The following MCFD2 variants were observed in gnomAD, a reference collection of about 807,000 sequenced individuals.
MCFD2 encodes the protein multiple coagulation factor deficiency protein 2.
A neutral mutation model predicts 12.8 loss-of-function variants in MCFD2; 11 were observed. The observed-to-expected ratio is 0.86, with a 90% CI of 0.54 to 1.42. The LOEUF is 1.42. Ranked by LOEUF, MCFD2 falls within the 40% of genes most tolerant of loss-of-function variation. The probability of loss-of-function intolerance (pLI) is 0.00; values close to 1 mark genes in which losing one functional copy is unlikely to be tolerated. For missense variants in MCFD2, 191 were observed against 178.6 expected (o/e 1.07, Z -0.40); for synonymous variants, 70 against 68.1 (o/e 1.03, Z -0.14).
intron 1 of MCFD2, among the ~76,000 whole-genome samples, chr2:46,927,649 C>T (rs766482349): frequency 6.6e-5 from 10 of 151,486 alleles, no homozygotes; most frequent in Middle Eastern, 3.4e-3. Flanking sequence ...CATGAGCTAC[C>T]GCGCCCGGCA....
chr2:46,929,624 G>A (rs890746651), intron 1 of MCFD2, among the ~76,000 whole-genome samples: 18 of 152,150 alleles, frequency 1.2e-4, no homozygotes, highest in Admixed American at 6.6e-4. Flanking sequence ...TAGCTAACAC[G>A]GGGGTACAGC....
Position 46,940,061 on chromosome 2 carries a change from A to G in MCFD2, c.-8+1511T>C, listed in dbSNP as rs1336082483. Among the ~76,000 whole-genome samples the G allele has an allele frequency of 1.3e-5, 2 of 152,130 alleles. No homozygotes were observed. The highest frequency in any genetic ancestry group is 2.4e-5 in the African/African-American group (1 of 41,418). Reference sequence around the variant, plus strand: ...GGCCTCCACATGGGAGTCGGGGGTCAGTGGGAACAGGAAGACTGTCTTCAA... The same window carrying G: ...GGCCTCCACATGGGAGTCGGGGGTCGGTGGGAACAGGAAGACTGTCTTCAA... On this transcript the variant is annotated intron_variant, in intron 1 of 2. Transcript: ENST00000409147. This position sits in a 1 kb window ranked among gnomAD's most constrained non-coding sequence, Gnocchi z 4.7.
At chr2:46,925,701 T>C (rs890753909) in intron 1 of MCFD2, among the ~76,000 whole-genome samples, 43 of 152,292 alleles carry the variant, frequency 2.8e-4, no homozygotes, top group Middle Eastern at 3.4e-3. Context: ...AAAAAACCCA[T>C]GTTTATTTTT....
Position 46,904,846 on chromosome 2 carries a change from G to C in MCFD2, c.*617C>G, listed in dbSNP as rs1033268088. 3.0e-5 allele frequency: 5 copies of C among 166,916 alleles called. No individual in the cohort carries two copies. The highest frequency in any genetic ancestry group is 1.1e-4 in the Admixed American group (2 of 17,836). The allele number at this position is 166,916 out of a possible 1,614,324, so 10.3% of individuals were successfully genotyped here. ...TTGGTTTTGAATAGTGAGGACATGA[G>C]ATTTGGAGGGGCCAGGGGTAGAATG... On this transcript the variant is annotated 3_prime_UTR_variant, in exon 4 of 4. Transcript: ENST00000319466.
At chr2:46,936,718 T>C (rs1669997080) in intron 1 of MCFD2, among the ~76,000 whole-genome samples, 1 of 152,304 alleles carries the variant, frequency 6.6e-6, no homozygotes, top group Admixed American at 6.5e-5. Flanking sequence ...TAATTTAGAA[T>C]TGCGGTAGCC....
In MCFD2 at chr2:46,941,746, G is replaced by A. The variant is rs1670408640; in HGVS notation, c.-182C>T. 2 of 1,547,706 alleles carry A rather than the reference G, an allele frequency of 1.3e-6. No individual in the cohort carries two copies. The highest frequency in any genetic ancestry group is 1.4e-5 in the African/African-American group (1 of 72,978). On this transcript the variant is annotated 5_prime_UTR_variant, in exon 1 of 3. Coordinates refer to the MCFD2 transcript ENST00000409147. The surrounding 1 kb of genome is among the most constrained non-coding windows in gnomAD (Gnocchi z 4.2). ...CACCGGTGAGTAAGGGAAGAGGCTG[G>A]CTCGCCGGCAGCGAGCGCGCGAAAC...
In MCFD2 at chr2:46,931,543, C is replaced by T. The variant is rs1473244626; in HGVS notation, c.-8+10029G>A. 2.6e-5 allele frequency among the ~76,000 whole-genome samples: 4 copies of T among 151,924 alleles called. No homozygotes were observed. The East Asian group carries it at 5.8e-4, about 22-fold the overall frequency. On this transcript the variant is annotated intron_variant, in intron 1 of 2. Coordinates refer to the MCFD2 transcript ENST00000409147. ...AGGGTCAGAGTCAGAGTAGAGGTGCCCATGGAAGCAAAGGTTGGAGTGATG... is the reference window on the plus strand; with the variant it reads ...AGGGTCAGAGTCAGAGTAGAGGTGCTCATGGAAGCAAAGGTTGGAGTGATG...
rs1161003607 is a variant in MCFD2 at position 46,934,787 on chromosome 2, C to CTTTTTTTTTTTTTTTTTT, written c.-8+6767_-8+6784dup. On this transcript the variant is annotated intron_variant, in intron 1 of 2. Coordinates refer to the MCFD2 transcript ENST00000409147. ...GGAATAAGGTATGAAGACTACTGCT[C>CTTTTTTTTTTTTTTTTTT]TTTTTTTTTTTTTTTTTTTTTTTTT... Among the ~76,000 whole-genome samples, 7 of 66,916 alleles carry CTTTTTTTTTTTTTTTTTT rather than the reference C, an allele frequency of 1.0e-4. 1 individual carries two copies. Among genetic ancestry groups the CTTTTTTTTTTTTTTTTTT allele is most frequent in the Non-Finnish European group, 1.6e-4 (6 of 37,308 alleles). 43.9% of individuals were successfully genotyped at this position (66,916 alleles called of 152,430 possible). A position where few individuals can be genotyped will look rare whatever the true frequency, so the allele number is the denominator to read the frequency against.
chr2:46,936,569 G>A (rs1013058922), intron 1 of MCFD2, among the ~76,000 whole-genome samples: 4 of 152,152 alleles, frequency 2.6e-5, no homozygotes, highest in African/African-American at 7.2e-5. Flanking sequence ...CTCACCATTC[G>A]CAGACTCTCA....
intron 1 of MCFD2, among the ~76,000 whole-genome samples, chr2:46,925,904 T>C (rs1558475956): frequency 6.6e-6 from 1 of 152,240 alleles, no homozygotes; most frequent in Non-Finnish European, 1.5e-5. Flanking sequence ...CCTTGAGTTC[T>C]TAGATACACT....
At chr2:46,913,394 G>C (rs1668564805) in intron 1 of MCFD2, among the ~76,000 whole-genome samples, 1 of 151,166 alleles carries the variant, frequency 6.6e-6, no homozygotes, top group Admixed American at 6.6e-5. Flanking sequence ...ATTAGAAAAA[G>C]AGAGAGAGAG....
intron 1 of MCFD2, among the ~76,000 whole-genome samples, chr2:46,935,309 G>A (rs762946270): frequency 6.6e-6 from 1 of 152,074 alleles, no homozygotes; most frequent in Admixed American, 6.5e-5. Context: ...AGGCTGCAGT[G>A]AACTATGATA....
intron 1 of MCFD2, among the ~76,000 whole-genome samples, chr2:46,926,894 A>G (rs1355022167): frequency 6.6e-6 from 1 of 152,240 alleles, no homozygotes; most frequent in Admixed American, 6.5e-5. Flanking sequence ...AAATTTTCAC[A>G]TGGGAGCTAA....
At chr2:46,922,152 A>G (rs1405173787) in intron 1 of MCFD2, among the ~76,000 whole-genome samples, 1 of 152,024 alleles carries the variant, frequency 6.6e-6, no homozygotes, top group East Asian at 1.9e-4. Context: ...TCAAACAACA[A>G]CTTTAGTTAC....
At chr2:46,916,074 A>T, upstream of MCFD2, 1 of 985,496 alleles carries the variant, frequency 1.0e-6, no homozygotes, top group Non-Finnish European at 1.2e-6. Context: ...GGAAGCCCTC[A>T]GGAACGTAGT....
At chr2:46,915,186 C>G (rs1668668503) in intron 1 of MCFD2, among the ~76,000 whole-genome samples, 1 of 152,174 alleles carries the variant, frequency 6.6e-6, no homozygotes, top group Non-Finnish European at 1.5e-5. Context: ...GGAGAATGAA[C>G]GTATCCAAGA....
upstream of MCFD2, chr2:46,916,325 A>G: frequency 3.4e-6 from 1 of 298,012 alleles, no homozygotes; most frequent in Non-Finnish European, 5.0e-6. Flanking sequence ...TGCCAGCTCC[A>G]CTGCACAAGC....
chr2:46,918,360 C>T (rs1205874310), upstream of MCFD2, among the ~76,000 whole-genome samples: 1 of 152,218 alleles, frequency 6.6e-6, no homozygotes, highest in Non-Finnish European at 1.5e-5. Flanking sequence ...CTTTCCACCT[C>T]CACTAAACCA....
Position 46,931,323 on chromosome 2 carries a change from C to A in MCFD2, c.-8+10249G>T, listed in dbSNP as rs141532984. ...CTAGTCTCGAACTCCTGGCCTCAAG[C>A]AATCCTCTCGCCTCAGCTTCTGAAA... is the stretch of plus-strand genomic sequence containing the variant. On this transcript the variant is annotated intron_variant, in intron 1 of 2. Coordinates refer to the MCFD2 transcript ENST00000409147. Among the ~76,000 whole-genome samples the A allele has an allele frequency of 4.6e-3, 700 of 152,356 alleles. 5 individuals carry two copies. Among genetic ancestry groups the A allele is most frequent in the African/African-American group, 0.016 (673 of 41,590 alleles).
Sources: gnomAD v4.1 joint callset for allele counts (sites outside exome capture counted in the v4.1 genomes callset) on GRCh38, gnomAD v4.1.1 for gene constraint, Gnocchi (gnomAD v3.1) non-coding constraint, MANE v1.5 for transcripts, NCBI Gene and HGNC (gene_info 2026-07-23, HGNC 2026-07-21) for gene names.